Variants in PWWP2A observed in about 807,000 individuals in gnomAD.
PWWP2A encodes PWWP domain containing 2A, also known as PWWP domain-containing protein 2A.
In PWWP2A, 18 loss-of-function variants were observed where a neutral mutation model predicts 48.5. That is an observed-to-expected ratio of 0.37 (90% CI 0.26 to 0.55). The LOEUF (loss-of-function observed/expected upper bound fraction) is 0.55. Ranked by LOEUF, PWWP2A falls within the 20% of genes least tolerant of loss-of-function variation. PWWP2A has a pLI of 0.81. For missense variants in PWWP2A, 867 were observed against 976.4 expected, an observed-to-expected ratio of 0.89 and a Z score of 1.49; for synonymous variants, 396 against 387.7, an observed-to-expected ratio of 1.02 and a Z score of -0.25.
chr5:160,063,290 A>G (rs993202943), intron 5 of PWWP2A, among the ~76,000 whole-genome samples: 6 of 152,150 alleles, frequency 3.9e-5, no homozygotes, highest in African/African-American at 1.4e-4. Flanking sequence ...ATCATGGCTC[A>G]CTGCAGCCCT....
the PWWP2A span, among the ~76,000 whole-genome samples, chr5:160,046,314 A>C: frequency 6.6e-6 from 1 of 152,158 alleles, no homozygotes. Flanking sequence ...CCTGCATTTA[A>C]TACAGTTTAT....
chr5:160,103,781 G>C (rs1297463192), intron 1 of PWWP2A, among the ~76,000 whole-genome samples: 1 of 152,108 alleles, frequency 6.6e-6, no homozygotes, highest in Admixed American at 6.6e-5. Flanking sequence ...TGAGTGGAGA[G>C]GGCTGCCAGT....
At chr5:160,047,978 T>C in the PWWP2A span, among the ~76,000 whole-genome samples, 1 of 152,188 alleles carries the variant, frequency 6.6e-6, no homozygotes, top group Non-Finnish European at 1.5e-5. Context: ...GAACAAGGAC[T>C]GTGTCTGTCT....
At chr5:160,046,555 A>G in the PWWP2A span, among the ~76,000 whole-genome samples, 1 of 152,128 alleles carries the variant, frequency 6.6e-6, no homozygotes, top group South Asian at 2.1e-4. Flanking sequence ...AATACTATCT[A>G]TAAATTAGCA....
intron 1 of PWWP2A, among the ~76,000 whole-genome samples, chr5:160,102,964 A>G (rs572730617): frequency 5.6e-4 from 86 of 152,356 alleles, no homozygotes; most frequent in African/African-American, 2.0e-3. Context: ...ATAATGAAAC[A>G]TGAGATACAA....
downstream of PWWP2A, among the ~76,000 whole-genome samples, chr5:160,072,414 A>G (rs1000716010): frequency 7.2e-5 from 11 of 152,184 alleles, no homozygotes; most frequent in Admixed American, 7.2e-4. Context: ...CATGAGAATG[A>G]CTGCTTACAA....
chr5:160,119,372 G>A lies in PWWP2A; in HGVS notation c.17C>T (p.Ala6Val). MAAVA[A>V]EAAATAASPG... ...GGACGCTGCAGTCGCTGCCGCCTCT[G>A]CAGCCACGGCCGCCATTTTCTTCCT... Residue 6 changes from alanine to valine, a missense_variant, in exon 1 of 2, where the codon GCA becomes GTA. Physicochemically the swap from Ala to Val is moderately conservative, Grantham distance 64. Coordinates refer to ENST00000307063, the MANE Select transcript of PWWP2A (RefSeq NM_001130864.2). The A allele has an allele frequency of 3.7e-6, 5 of 1,369,030 alleles. No individual in the cohort carries two copies. The highest frequency in any genetic ancestry group is 1.7e-5 in the South Asian group (1 of 58,222). 84.8% of individuals were successfully genotyped at this position (1,369,030 alleles called of 1,614,324 possible). A position where few individuals can be genotyped will look rare whatever the true frequency, so the allele number is the denominator to read the frequency against.
chr5:160,056,582 G>A, the PWWP2A span, among the ~76,000 whole-genome samples: 1 of 152,088 alleles, frequency 6.6e-6, no homozygotes, highest in African/African-American at 2.4e-5. Context: ...AAATTAGCCC[G>A]GCATGTGGCA....
chr5:160,046,457 T>C, the PWWP2A span, among the ~76,000 whole-genome samples: 1 of 152,216 alleles, frequency 6.6e-6, no homozygotes, highest in Admixed American at 6.5e-5. Context: ...TGGAAGTCTC[T>C]AGATCTTAGT....
chr5:160,084,026 A>G (rs1030065474), intron 2 of PWWP2A, among the ~76,000 whole-genome samples: 2 of 152,220 alleles, frequency 1.3e-5, no homozygotes, highest in African/African-American at 4.8e-5. Context: ...TTTCAGGTAC[A>G]AATAACATTG....
Position 160,091,761 on chromosome 5 carries a change from G to C in PWWP2A, c.*621C>G. On this transcript the variant is annotated 3_prime_UTR_variant, in exon 2 of 2. Coordinates refer to ENST00000307063, the MANE Select transcript of PWWP2A (RefSeq NM_001130864.2). Reference sequence around the variant, plus strand: ...TCCCAAACACTGGGCTATTTCCCCAGTCTGTAACTGAATTGCAACCATCTG... The same window carrying C: ...TCCCAAACACTGGGCTATTTCCCCACTCTGTAACTGAATTGCAACCATCTG... 1 of 985,096 alleles carries C rather than the reference G, an allele frequency of 1.0e-6. No homozygotes were observed. Among genetic ancestry groups the C allele is most frequent in the South Asian group, 4.7e-5 (1 of 21,280 alleles). The allele number at this position is 985,096 out of a possible 1,614,324, so 61.0% of individuals were successfully genotyped here. A position where few individuals can be genotyped will look rare whatever the true frequency, so the allele number is the denominator to read the frequency against.
intron 4 of PWWP2A, among the ~76,000 whole-genome samples, chr5:160,063,966 C>CTTTTTTTT (rs34967107): frequency 9.4e-6 from 1 of 106,672 alleles, no homozygotes; most frequent in Non-Finnish European, 1.8e-5. Context: ...TAGACCATGA[C>CTTTTTTTT]TTTTTTTTTT....
intron 3 of PWWP2A, among the ~76,000 whole-genome samples, chr5:160,080,087 C>T (rs965030092): frequency 2.0e-5 from 3 of 152,186 alleles, no homozygotes; most frequent in Admixed American, 6.5e-5. Context: ...AATAAATGTA[C>T]TTAAAGAAAT....
chr5:160,067,901 C>T (rs1753652516), intron 2 of PWWP2A, among the ~76,000 whole-genome samples: 1 of 152,196 alleles, frequency 6.6e-6, no homozygotes, highest in Non-Finnish European at 1.5e-5. Context: ...AAAGCTCTGG[C>T]CAGGCACCGT....
Position 160,093,222 on chromosome 5 carries a change from T to G in PWWP2A, c.1428A>C (p.Leu476Phe). 1.2e-6 allele frequency: 2 copies of G among 1,614,028 alleles called. No homozygotes were observed. The highest frequency in any genetic ancestry group is 1.7e-6 in the Non-Finnish European group (2 of 1,179,892). ...CTTCATTCCTGTACCTCTGTGGTTTTAAACGAACCCGGGGTGGAAGGGAAC... is the reference window on the plus strand; with the variant it reads ...CTTCATTCCTGTACCTCTGTGGTTTGAAACGAACCCGGGGTGGAAGGGAAC... ...SSGSLPPRVR[L>F]KPQRYRNEEN... The change falls in exon 2 of 2, where the codon TTA (leucine) becomes TTC (phenylalanine). Residue 476 changes from leucine (L) to phenylalanine (F), a missense_variant. This residue lies in a region of PWWP2A where 382 missense variants were observed against 407.2 expected (regional missense o/e 0.94). Transcript: ENST00000307063. This position sits in a 1 kb window ranked among gnomAD's most constrained non-coding sequence, Gnocchi z 5.8.
intron 4 of PWWP2A, chr5:160,065,363 TACAC>T (rs751241642): frequency 1.9e-6 from 1 of 523,096 alleles, no homozygotes; most frequent in Non-Finnish European, 3.7e-6. Flanking sequence ...TTCCTGATCA[TACAC>T]ACACACAGCC....
chr5:160,103,555 A>C (rs1336107461), intron 1 of PWWP2A, among the ~76,000 whole-genome samples: 1 of 152,164 alleles, frequency 6.6e-6, no homozygotes, highest in Non-Finnish European at 1.5e-5. Flanking sequence ...GAAGGAAATA[A>C]ATCACCGTGG....
chr5:160,080,573 G>A (rs1754156636), intron 3 of PWWP2A: 3 of 1,294,264 alleles, frequency 2.3e-6, no homozygotes, highest in South Asian at 2.2e-5. Flanking sequence ...TTTAAGTCTA[G>A]CCTAATCTAC....
At chr5:160,105,762 G>T (rs2113625000) in intron 1 of PWWP2A, 9 of 198,938 alleles carry the variant, frequency 4.5e-5, no homozygotes, top group South Asian at 1.8e-4. Flanking sequence ...GTGACAGAAT[G>T]AGACGCCATC....
Sources: gnomAD v4.1 joint callset for allele counts (sites outside exome capture counted in the v4.1 genomes callset) on GRCh38, gnomAD v4.1.1 for gene constraint, gnomAD v4.1.1 regional missense constraint, Gnocchi (gnomAD v3.1) non-coding constraint, MANE v1.5 for transcripts, NCBI Gene and HGNC (gene_info 2026-07-23, HGNC 2026-07-21) for gene names.